The following ANKRD12 variants were observed in gnomAD, a reference collection of about 807,000 sequenced individuals.
The protein encoded by ANKRD12 is ankyrin repeat domain 12.
Under a neutral mutation model 183.4 loss-of-function variants are expected in ANKRD12, and 85 were observed. The ratio of observed to expected loss-of-function variants is 0.46; its 90% CI spans 0.39 to 0.56. ANKRD12 has a LOEUF of 0.56. Among genes scored for constraint, ANKRD12 ranks in the 20% least tolerant of loss-of-function variants. The pLI is 0.00. For missense variants in ANKRD12, 2,405 were observed against 2,357.1 expected, an observed-to-expected ratio of 1.02 and a Z score of -0.42; for synonymous variants, 914 against 800.2, an observed-to-expected ratio of 1.14 and a Z score of -2.40.
chr18:9,282,537 TCTG>T lies in ANKRD12; in HGVS notation c.*1418_*1420del, dbSNP rs759038278. ...ATTCAGGAATATTTCAGGTCTGAAA[TCTG>T]CTGCTGAACTTGTTAGACATTTTTG... On this transcript the variant is annotated 3_prime_UTR_variant, in exon 13 of 13. Transcript: ENST00000262126. 30 of 152,582 alleles carry T rather than the reference TCTG, an allele frequency of 2.0e-4. No homozygotes were observed. Among genetic ancestry groups the T allele is most frequent in the Non-Finnish European group, 2.8e-4 (19 of 68,002 alleles). The allele number at this position is 152,582 out of a possible 1,614,324, so 9.5% of individuals were successfully genotyped here.
At chr18:9,143,176 G>C (rs1397872718) in intron 1 of ANKRD12, among the ~76,000 whole-genome samples, 2 of 152,162 alleles carry the variant, frequency 1.3e-5, no homozygotes, top group African/African-American at 4.8e-5. Flanking sequence ...TATGTTACAT[G>C]TAAGTGTAGA....
intron 8 of ANKRD12, among the ~76,000 whole-genome samples, chr18:9,243,354 C>G (rs561998902): frequency 6.6e-6 from 1 of 152,308 alleles, no homozygotes; most frequent in African/African-American, 2.4e-5. Flanking sequence ...TAACAAGCCT[C>G]TCACTCAGAG....
chr18:9,251,569 G>A (rs111317760), intron 8 of ANKRD12, among the ~76,000 whole-genome samples: 9,655 of 152,202 alleles, frequency 0.063, 334 homozygotes, highest in Non-Finnish European at 0.079. Context: ...CAAGGTGGGT[G>A]GATCACCTGA....
At chr18:9,159,588 C>T (rs2031105625) in intron 1 of ANKRD12, among the ~76,000 whole-genome samples, 2 of 123,668 alleles carry the variant, frequency 1.6e-5, no homozygotes, top group South Asian at 6.3e-4. Context: ...CCTGCCACCA[C>T]GCCTGGCTAA....
chr18:9,149,792 A>ATTTTTTTTTTTTTTTTTTTT (rs75749856), intron 1 of ANKRD12, among the ~76,000 whole-genome samples: 2 of 28,198 alleles, frequency 7.1e-5, no homozygotes, highest in Admixed American at 3.4e-4. Flanking sequence ...TTATTTATTA[A>ATTTTTTTTTTTTTTTTTTTT]ATTTTATTTT....
At position 9,258,646 on chromosome 18, in the gene ANKRD12, T is replaced by G. The variant is rs1567985044; in HGVS notation, c.5379T>G (p.Pro1793=). The G allele has an allele frequency of 6.2e-7, 1 of 1,613,944 alleles. No homozygotes were observed. The highest frequency in any genetic ancestry group is 1.3e-5 in the African/African-American group (1 of 75,032). The change falls in exon 9 of 13, where the codon CCT becomes CCG. Residue 1793 remains proline (P), a synonymous_variant. Transcript: ENST00000262126. ...GGAAAAGGAAAGTGTCACGTGTACC[T>G]CAGCCTGTGCAAGTGAGTCCCTCTT... The part of the protein sequence containing the change: ...HPRKRKVSRV[P]QPVQVSPSLL...
At chr18:9,216,032 T>A (rs960919023) in intron 6 of ANKRD12, among the ~76,000 whole-genome samples, 1 of 150,348 alleles carries the variant, frequency 6.7e-6, no homozygotes, top group Non-Finnish European at 1.5e-5. Context: ...TTTTTTTTTT[T>A]AAACACCAAT....
chr18:9,254,204 A>T lies in ANKRD12; in HGVS notation c.944-7A>T, dbSNP rs1201323816. On this transcript the variant is annotated splice_region_variant and splice_polypyrimidine_tract_variant and intron_variant, in intron 8 of 12. Coordinates refer to ENST00000262126, the MANE Select transcript of ANKRD12 (RefSeq NM_015208.5). ...ACCCACACCACATTTTCTTTTTTTTATTCTAGATTCCGAAGAGGCTCAATC... is the reference window on the plus strand; with the variant it reads ...ACCCACACCACATTTTCTTTTTTTTTTTCTAGATTCCGAAGAGGCTCAATC... The T allele has an allele frequency of 2.0e-6, 3 of 1,489,732 alleles. No individual in the cohort carries two copies. The highest frequency in any genetic ancestry group is 1.4e-5 in the African/African-American group (1 of 69,494). 92.3% of individuals were successfully genotyped at this position (1,489,732 alleles called of 1,614,324 possible). A position where few individuals can be genotyped will look rare whatever the true frequency, so the allele number is the denominator to read the frequency against.
At chr18:9,165,620 A>T (rs1201342975) in intron 1 of ANKRD12, among the ~76,000 whole-genome samples, 2 of 152,252 alleles carry the variant, frequency 1.3e-5, no homozygotes, top group African/African-American at 4.8e-5. Context: ...TCCTTTTGTG[A>T]CTGGGTTATT....
chr18:9,236,207 T>C (rs1483450488), intron 8 of ANKRD12, among the ~76,000 whole-genome samples: 1 of 152,014 alleles, frequency 6.6e-6, no homozygotes, highest in African/African-American at 2.4e-5. Context: ...TTGAAGGAAA[T>C]AACGAATGGA....
At chr18:9,270,750 A>G (rs2039557875) in intron 10 of ANKRD12, among the ~76,000 whole-genome samples, 2 of 152,234 alleles carry the variant, frequency 1.3e-5, no homozygotes, top group African/African-American at 2.4e-5. Context: ...CATGTACCCT[A>G]AAACTTAAAA....
chr18:9,258,823 A>G lies in ANKRD12; in HGVS notation c.5556A>G (p.Leu1852=). Residue 1852 remains leucine, a synonymous_variant, in exon 9 of 13, where the codon TTA becomes TTG. Transcript: ENST00000262126. ...AAAAAATAGAAGAAAAACGCAAATT[A>G]CTGTGTAGTGTGATTCCTCAAGCAC... is the stretch of plus-strand genomic sequence containing the variant. ...IRKKIEEKRK[L]LCSVIPQAPQ... The G allele has an allele frequency of 6.2e-7, 1 of 1,613,964 alleles. No individual in the cohort carries two copies. Among genetic ancestry groups the G allele is most frequent in the Non-Finnish European group, 8.5e-7 (1 of 1,179,866 alleles).
chr18:9,283,617 C>G lies in ANKRD12; in HGVS notation c.*2491C>G, dbSNP rs1393907904. On this transcript the variant is annotated 3_prime_UTR_variant, in exon 13 of 13. Coordinates refer to ENST00000262126, the MANE Select transcript of ANKRD12 (RefSeq NM_015208.5). ...AGGATGGTTAGTTTAATCAGTGATT[C>G]TTTTTAAACTCTTCAAATATCATGA... 3 of 152,488 alleles carry G rather than the reference C, an allele frequency of 2.0e-5. No homozygotes were observed. Among genetic ancestry groups the G allele is most frequent in the Non-Finnish European group, 4.4e-5 (3 of 67,988 alleles). The allele number at this position is 152,488 out of a possible 1,614,324, so 9.4% of individuals were successfully genotyped here.
At chr18:9,183,955 T>C (rs1175347305) in intron 2 of ANKRD12, among the ~76,000 whole-genome samples, 1 of 152,186 alleles carries the variant, frequency 6.6e-6, no homozygotes, top group Non-Finnish European at 1.5e-5. Context: ...TTTTTTAAAC[T>C]GTTTTTTGAT....
chr18:9,245,440 A>G lies in ANKRD12; in HGVS notation c.944-8771A>G, dbSNP rs80150713. Among the ~76,000 whole-genome samples the G allele has an allele frequency of 4.5e-3, 681 of 152,296 alleles. 5 individuals carry two copies. The highest frequency in any genetic ancestry group is 0.016 in the African/African-American group (650 of 41,550). ...ATACCACCACTCTCCAGCTGGGGCT[A>G]CAGAGCTAGACCCTGTCTCAAAAAA... is the stretch of plus-strand genomic sequence containing the variant. On this transcript the variant is annotated intron_variant, in intron 8 of 12. Coordinates refer to ENST00000262126, the MANE Select transcript of ANKRD12 (RefSeq NM_015208.5).
intron 1 of ANKRD12, among the ~76,000 whole-genome samples, chr18:9,181,799 G>A (rs1292210488): frequency 6.6e-6 from 1 of 152,074 alleles, no homozygotes. Context: ...TTGTAGAATA[G>A]GAAAGAGAAG....
intron 8 of ANKRD12, among the ~76,000 whole-genome samples, chr18:9,226,513 T>C (rs1056048012): frequency 9.9e-5 from 15 of 152,198 alleles, no homozygotes; most frequent in Admixed American, 8.5e-4. Flanking sequence ...CTGATCATTT[T>C]ATACCCATCA....
At chr18:9,161,535 C>T (rs1253432803) in intron 1 of ANKRD12, among the ~76,000 whole-genome samples, 1 of 151,746 alleles carries the variant, frequency 6.6e-6, no homozygotes, top group African/African-American at 2.4e-5. Flanking sequence ...GCCACCACGC[C>T]TGGCTAATTT....
chr18:9,160,021 G>A (rs1052839762), intron 1 of ANKRD12, among the ~76,000 whole-genome samples: 2 of 151,832 alleles, frequency 1.3e-5, no homozygotes, highest in African/African-American at 2.4e-5. Flanking sequence ...TGTAATCCCC[G>A]CACTTTGGGA....
Sources: gnomAD v4.1 joint callset for allele counts (sites outside exome capture counted in the v4.1 genomes callset) on GRCh38, gnomAD v4.1.1 for gene constraint, MANE v1.5 for transcripts, NCBI Gene and HGNC (gene_info 2026-07-23, HGNC 2026-07-21) for gene names.